Variants in ACOT12 observed in about 807,000 individuals in gnomAD.
ACOT12 encodes the protein acetyl-coenzyme A thioesterase.
A neutral mutation model predicts 67.7 loss-of-function variants in ACOT12; 51 were observed. The ratio of observed to expected loss-of-function variants is 0.75; its 90% CI spans 0.60 to 0.95. The LOEUF is 0.95. ACOT12 is among the 40% of genes least tolerant of loss of function. The pLI is 0.00. For synonymous variants in ACOT12, 251 were observed against 244.6 expected, an observed-to-expected ratio of 1.03 and a Z score of -0.24; for missense variants, 734 against 708.1, an observed-to-expected ratio of 1.04 and a Z score of -0.41.
chr5:81,318,491 TTA>T, the ACOT12 span, among the ~76,000 whole-genome samples: 25,986 of 152,092 alleles, frequency 0.17, 2,507 homozygotes, highest in Admixed American at 0.26. Flanking sequence ...CTTTTCAAGT[TTA>T]TTTTCTCTTG....
At chr5:81,384,440 G>A (rs1410666120) in intron 2 of ACOT12, among the ~76,000 whole-genome samples, 1 of 151,832 alleles carries the variant, frequency 6.6e-6, no homozygotes, top group African/African-American at 2.4e-5. Flanking sequence ...GCCTGGCCAG[G>A]TGTACCATTT....
chr5:81,313,331 G>A, the ACOT12 span: 1 of 152,134 alleles, frequency 6.6e-6, no homozygotes, highest in Admixed American at 6.5e-5. Flanking sequence ...AGTTAAAATT[G>A]AAATATCTCA....
chr5:81,331,190 C>A (rs1447926416), intron 13 of ACOT12, among the ~76,000 whole-genome samples: 1 of 152,184 alleles, frequency 6.6e-6, no homozygotes, highest in African/African-American at 2.4e-5. Flanking sequence ...AACCACCAAA[C>A]TGAAGTTTTA....
chr5:81,318,640 A>G, the ACOT12 span, among the ~76,000 whole-genome samples: 3 of 152,236 alleles, frequency 2.0e-5, no homozygotes, highest in Admixed American at 2.0e-4. Context: ...TTTGGGGAAT[A>G]TGGCCATCTT....
At chr5:81,334,234 A>T (rs570534577) in intron 12 of ACOT12, among the ~76,000 whole-genome samples, 1 of 152,166 alleles carries the variant, frequency 6.6e-6, no homozygotes, top group Non-Finnish European at 1.5e-5. Context: ...AGAATCCAGG[A>T]TACAGAAAGC....
intron 2 of ACOT12, among the ~76,000 whole-genome samples, chr5:81,383,235 G>C (rs2153859133): frequency 6.6e-6 from 1 of 152,116 alleles, no homozygotes; most frequent in Non-Finnish European, 1.5e-5. Context: ...AACATTATCA[G>C]GGCATGGTGG....
chr5:81,308,903 C>A, the ACOT12 span: 1 of 1,523,254 alleles, frequency 6.6e-7, no homozygotes. Context: ...TTATGACTTG[C>A]CATATGTATT....
At chr5:81,324,130 G>A in the ACOT12 span, among the ~76,000 whole-genome samples, 2,379 of 151,832 alleles carry the variant, frequency 0.016, 52 homozygotes, top group African/African-American at 0.053. Context: ...TAATAGAGAC[G>A]GGGTTTCACC....
At chr5:81,366,462 C>T (rs184325101) in intron 3 of ACOT12, among the ~76,000 whole-genome samples, 20 of 152,242 alleles carry the variant, frequency 1.3e-4, no homozygotes, top group African/African-American at 4.3e-4. Context: ...GAAAAGGAGT[C>T]AGCAATATCT....
At chr5:81,324,519 T>C in the ACOT12 span, among the ~76,000 whole-genome samples, 3 of 152,232 alleles carry the variant, frequency 2.0e-5, no homozygotes, top group South Asian at 6.2e-4. Flanking sequence ...CCTAGAGACA[T>C]AGATGTGGGA....
chr5:81,379,613 G>C (rs1490934295), intron 2 of ACOT12, among the ~76,000 whole-genome samples: 2 of 152,124 alleles, frequency 1.3e-5, no homozygotes, highest in Non-Finnish European at 2.9e-5. Context: ...GCCTTAGAAG[G>C]TGACATAGTG....
At chr5:81,331,799 T>C (rs1035853939) in intron 13 of ACOT12, among the ~76,000 whole-genome samples, 2 of 152,274 alleles carry the variant, frequency 1.3e-5, no homozygotes, top group Non-Finnish European at 2.9e-5. Context: ...CAATTTGATT[T>C]TTCATTTAGC....
the ACOT12 span, among the ~76,000 whole-genome samples, chr5:81,317,668 T>A: frequency 6.6e-5 from 10 of 152,040 alleles, no homozygotes; most frequent in Non-Finnish European, 8.8e-5. Flanking sequence ...GGGGAGGTGC[T>A]ACACACTTTC....
intron 11 of ACOT12, among the ~76,000 whole-genome samples, chr5:81,341,999 A>AT (rs202158601): frequency 0.018 from 2,687 of 151,800 alleles, 86 homozygotes; most frequent in African/African-American, 0.061. Context: ...TTATTTATTT[A>AT]TTTTTTTTAG....
chr5:81,332,449 A>G (rs1580525719), intron 13 of ACOT12, 28 bp downstream of exon 13: 1 of 1,611,680 alleles, frequency 6.2e-7, no homozygotes, highest in East Asian at 2.2e-5. Flanking sequence ...TGAAATATTA[A>G]TAGAACACTT....
intron 8 of ACOT12, 93 bp downstream of exon 8, chr5:81,344,798 G>C (rs1204275396): frequency 1.3e-6 from 2 of 1,485,086 alleles, no homozygotes; most frequent in Admixed American, 3.7e-5. Context: ...CAAAGGGAAA[G>C]AGCCAAAGAG....
At chr5:81,383,497 T>C (rs1046548574) in intron 2 of ACOT12, among the ~76,000 whole-genome samples, 2 of 152,118 alleles carry the variant, frequency 1.3e-5, no homozygotes, top group African/African-American at 2.4e-5. Flanking sequence ...ATAAAACAAA[T>C]GACCAGGTTT....
chr5:81,328,444 T>C (rs1004596061), downstream of ACOT12, among the ~76,000 whole-genome samples: 1 of 152,212 alleles, frequency 6.6e-6, no homozygotes, highest in African/African-American at 2.4e-5. Flanking sequence ...AGTATATTCC[T>C]AAGAAAAAGG....
chr5:81,388,705 A>C (rs2153860419), intron 1 of ACOT12, among the ~76,000 whole-genome samples: 1 of 152,260 alleles, frequency 6.6e-6, no homozygotes, highest in South Asian at 2.1e-4. Context: ...AATTAAATGG[A>C]TATTGATATG....
Sources: allele counts gnomAD v4.1 joint callset (sites outside exome capture counted in the v4.1 genomes callset), GRCh38; gene constraint gnomAD v4.1.1; transcripts MANE v1.5; gene names NCBI Gene and HGNC (gene_info 2026-07-23, HGNC 2026-07-21).